Variants in LRRC4C observed in about 807,000 individuals in gnomAD.
LRRC4C encodes leucine rich repeat containing 4C.
A neutral mutation model predicts 33.6 loss-of-function variants in LRRC4C; 5 were observed. That is an observed-to-expected ratio of 0.15 (90% confidence interval 0.08 to 0.31). The LOEUF (loss-of-function observed/expected upper bound fraction) is 0.31. Ranked by LOEUF, LRRC4C falls within the 10% of genes least tolerant of loss-of-function variation. The pLI, the probability that LRRC4C is intolerant of heterozygous loss-of-function variation, is 1.00. For synonymous variants in LRRC4C, 329 were observed against 302.0 expected, an observed-to-expected ratio of 1.09 and a Z score of -0.93; for missense variants, 560 against 796.7, an observed-to-expected ratio of 0.70 and a Z score of 3.58.
chr11:40,596,003 T>A (rs1007437227), intron 3 of LRRC4C, among the ~76,000 whole-genome samples: 6 of 152,116 alleles, frequency 3.9e-5, no homozygotes, highest in Non-Finnish European at 8.8e-5. Context: ...ATATTAGATG[T>A]CTGTCCTCGC....
At chr11:40,488,332 C>G (rs1209817268) in intron 3 of LRRC4C, among the ~76,000 whole-genome samples, 1 of 152,040 alleles carries the variant, frequency 6.6e-6, no homozygotes, top group Admixed American at 6.6e-5. Flanking sequence ...TGGCATCTTG[C>G]CTTGTAACTT....
Position 40,245,739 on chromosome 11 carries a change from T to C in LRRC4C, c.-175-4141A>G, listed in dbSNP as rs374057202. On this transcript the variant is annotated intron_variant, in intron 4 of 6. Transcript: ENST00000528697. Reference sequence around the variant, plus strand: ...GATTATTTTATTTACTTGTAGAATATAGATAACAATATTATCTCTTTCATA... The same window carrying C: ...GATTATTTTATTTACTTGTAGAATACAGATAACAATATTATCTCTTTCATA... 8.9e-4 allele frequency among the ~76,000 whole-genome samples: 135 copies of C among 152,264 alleles called. 2 individuals are homozygous for C. The South Asian group carries it at 0.027, about 31-fold the overall frequency.
At chr11:40,276,489 C>A (rs1943108035) in intron 4 of LRRC4C, among the ~76,000 whole-genome samples, 1 of 152,054 alleles carries the variant, frequency 6.6e-6, no homozygotes, top group Non-Finnish European at 1.5e-5. Flanking sequence ...ATGGAGCAGG[C>A]AATAATGAAA....
At chr11:40,262,819 C>T (rs1171184203) in intron 4 of LRRC4C, among the ~76,000 whole-genome samples, 2 of 151,842 alleles carry the variant, frequency 1.3e-5, no homozygotes, top group Non-Finnish European at 2.9e-5. Flanking sequence ...CATCACACAC[C>T]AGGGCCTGTT....
intron 1 of LRRC4C, among the ~76,000 whole-genome samples, chr11:41,127,540 A>G (rs1336966092): frequency 1.3e-5 from 2 of 152,132 alleles, no homozygotes; most frequent in Non-Finnish European, 2.9e-5. Flanking sequence ...ATATTATTAC[A>G]TAGTGTAGTA....
chr11:40,524,222 A>G (rs1369867070), intron 3 of LRRC4C, among the ~76,000 whole-genome samples: 1 of 152,128 alleles, frequency 6.6e-6, no homozygotes, highest in African/African-American at 2.4e-5. Context: ...TCAATGTCAC[A>G]TGCTTTGAGG....
intron 3 of LRRC4C, among the ~76,000 whole-genome samples, chr11:40,502,288 C>A (rs1954815175): frequency 6.6e-6 from 1 of 152,180 alleles, no homozygotes; most frequent in Admixed American, 6.5e-5. Flanking sequence ...GCCTGTTTCC[C>A]AGTTCCAAAG....
At chr11:41,253,580 G>T (rs1163473181) in intron 1 of LRRC4C, among the ~76,000 whole-genome samples, 1 of 152,062 alleles carries the variant, frequency 6.6e-6, no homozygotes. Flanking sequence ...CTGGTTTCTT[G>T]TCCCAGCTCC....
chr11:40,657,355 C>T (rs1009530141), intron 2 of LRRC4C, among the ~76,000 whole-genome samples: 1 of 152,122 alleles, frequency 6.6e-6, no homozygotes, highest in Non-Finnish European at 1.5e-5. Flanking sequence ...TGAATATGTG[C>T]TACACTGTAA....
chr11:40,490,176 A>T (rs1954075960), intron 3 of LRRC4C, among the ~76,000 whole-genome samples: 1 of 152,178 alleles, frequency 6.6e-6, no homozygotes. Flanking sequence ...TTCTCCATCT[A>T]ATATTCAGTC....
At chr11:40,626,389 T>C (rs948120675) in intron 3 of LRRC4C, among the ~76,000 whole-genome samples, 3 of 152,206 alleles carry the variant, frequency 2.0e-5, no homozygotes, top group African/African-American at 7.2e-5. Context: ...ATGTGTTTCA[T>C]TGATTTGTCA....
At chr11:40,178,373 A>G (rs868769100) in intron 5 of LRRC4C, among the ~76,000 whole-genome samples, 9 of 152,314 alleles carry the variant, frequency 5.9e-5, no homozygotes, top group Admixed American at 5.2e-4. Flanking sequence ...GCAGCCTAAA[A>G]GAAAGACTAG....
intron 2 of LRRC4C, among the ~76,000 whole-genome samples, chr11:40,843,760 G>T (rs905764336): frequency 6.6e-6 from 1 of 152,056 alleles, no homozygotes; most frequent in African/African-American, 2.4e-5. Context: ...CTTAAACATT[G>T]GTGTTCATAT....
At chr11:40,658,092 A>G (rs1454349053) in intron 2 of LRRC4C, among the ~76,000 whole-genome samples, 4 of 152,224 alleles carry the variant, frequency 2.6e-5, no homozygotes, top group African/African-American at 9.6e-5. Flanking sequence ...ACATCATTAA[A>G]ATAAAGAATG....
At chr11:40,633,284 T>TTTA (rs1555125453) in intron 3 of LRRC4C, among the ~76,000 whole-genome samples, 5,690 of 151,806 alleles carry the variant, frequency 0.037, 372 homozygotes, top group African/African-American at 0.13. Context: ...GGCTTTGCAA[T>TTTA]AACAGGCCTT....
At chr11:40,208,959 G>GTGTGTGTC (rs1863372405) in intron 5 of LRRC4C, among the ~76,000 whole-genome samples, 1 of 150,040 alleles carries the variant, frequency 6.7e-6, no homozygotes, top group Non-Finnish European at 1.5e-5. Context: ...GTGTGTGTGT[G>GTGTGTGTC]TGTGTGTGTG....
chr11:40,671,044 T>A (rs1944078473), intron 2 of LRRC4C, among the ~76,000 whole-genome samples: 1 of 152,230 alleles, frequency 6.6e-6, no homozygotes, highest in South Asian at 2.1e-4. Flanking sequence ...ATTACAGGCA[T>A]GAGCCACTGC....
intron 4 of LRRC4C, among the ~76,000 whole-genome samples, chr11:40,262,376 T>G (rs974377067): frequency 1.3e-5 from 2 of 152,314 alleles, no homozygotes; most frequent in South Asian, 4.1e-4. Flanking sequence ...TGCTTTCCAC[T>G]GTTGGTGGGA....
intron 3 of LRRC4C, among the ~76,000 whole-genome samples, chr11:40,443,373 G>A (rs553119580): frequency 4.6e-5 from 7 of 152,230 alleles, no homozygotes; most frequent in South Asian, 2.1e-4. Context: ...TTACTATTCC[G>A]GGTAAGAAGT....
Sources: allele counts gnomAD v4.1 joint callset (sites outside exome capture counted in the v4.1 genomes callset), GRCh38; gene constraint gnomAD v4.1.1; transcripts MANE v1.5; gene names NCBI Gene and HGNC (gene_info 2026-07-23, HGNC 2026-07-21).